CDKAL1: variants seen among roughly 807,000 people sequenced by gnomAD.
CDKAL1 encodes the protein CDKAL1 threonylcarbamoyladenosine tRNA methylthiotransferase.
CDKAL1 carries 32 observed loss-of-function variants against 68.2 expected under a neutral mutation model. The ratio of observed to expected loss-of-function variants is 0.47; its 90% CI spans 0.35 to 0.63. CDKAL1 has a LOEUF of 0.63. Among genes scored for constraint, CDKAL1 ranks in the 30% least tolerant of loss-of-function variants. The probability of loss-of-function intolerance (pLI) is 0.00; values close to 1 mark genes in which losing one functional copy is unlikely to be tolerated. For synonymous variants in CDKAL1, 234 were observed against 244.3 expected (o/e 0.96, Z 0.39); for missense variants, 606 against 696.7 (o/e 0.87, Z 1.47).
At chr6:20,599,911 T>G (rs1024610314) in intron 4 of CDKAL1, among the ~76,000 whole-genome samples, 5 of 152,128 alleles carry the variant, frequency 3.3e-5, no homozygotes, top group African/African-American at 7.2e-5. Context: ...AGAAATGAGC[T>G]GTAGTATCAT....
intron 12 of CDKAL1, among the ~76,000 whole-genome samples, chr6:21,094,541 A>G (rs1295333102): frequency 6.6e-6 from 1 of 152,234 alleles, no homozygotes; most frequent in African/African-American, 2.4e-5. Flanking sequence ...TTAGGTGTAC[A>G]TGAAAATAAA....
chr6:21,010,861 A>T (rs1767971878), intron 11 of CDKAL1, among the ~76,000 whole-genome samples: 1 of 152,096 alleles, frequency 6.6e-6, no homozygotes, highest in African/African-American at 2.4e-5. Flanking sequence ...AGGCGGGCAG[A>T]TCATGAGGTC....
chr6:21,138,279 A>G (rs1402104078), intron 13 of CDKAL1, among the ~76,000 whole-genome samples: 2 of 151,812 alleles, frequency 1.3e-5, no homozygotes, highest in East Asian at 1.9e-4. Flanking sequence ...TGTGGGGGGA[A>G]CTATCATTTT....
At chr6:20,757,740 T>C (rs1774285432) in intron 6 of CDKAL1, among the ~76,000 whole-genome samples, 1 of 152,222 alleles carries the variant, frequency 6.6e-6, no homozygotes, top group African/African-American at 2.4e-5. Flanking sequence ...CTGACTTCCA[T>C]TTTATATTCT....
At chr6:21,046,551 A>T (rs1416111684) in intron 11 of CDKAL1, among the ~76,000 whole-genome samples, 1 of 152,264 alleles carries the variant, frequency 6.6e-6, no homozygotes, top group Non-Finnish European at 1.5e-5. Context: ...GGAGCTGTGA[A>T]GCAGCCGCAG....
At chr6:21,061,546 C>CG (rs1343324230) in intron 11 of CDKAL1, among the ~76,000 whole-genome samples, 2 of 152,020 alleles carry the variant, frequency 1.3e-5, no homozygotes, top group Non-Finnish European at 2.9e-5. Flanking sequence ...CCAGAATTAG[C>CG]ATCTTAAATA....
At chr6:20,894,272 T>G (rs959785300) in intron 9 of CDKAL1, among the ~76,000 whole-genome samples, 3 of 152,140 alleles carry the variant, frequency 2.0e-5, no homozygotes, top group African/African-American at 7.2e-5. Flanking sequence ...TCAGTATATA[T>G]TCAATGAAAA....
chr6:20,946,690 C>T (rs1355653668), intron 9 of CDKAL1, among the ~76,000 whole-genome samples: 3 of 151,426 alleles, frequency 2.0e-5, no homozygotes, highest in Non-Finnish European at 2.9e-5. Flanking sequence ...CTCCACCTCC[C>T]GGGTTCAAGT....
intron 13 of CDKAL1, among the ~76,000 whole-genome samples, chr6:21,111,324 C>A (rs1774110721): frequency 6.6e-6 from 1 of 152,204 alleles, no homozygotes. Context: ...CTATTCTAAA[C>A]TTGGCAAAAT....
intron 13 of CDKAL1, among the ~76,000 whole-genome samples, chr6:21,110,116 T>C (rs562708555): frequency 6.6e-6 from 1 of 152,312 alleles, no homozygotes; most frequent in Admixed American, 6.5e-5. Context: ...ATCTTTAAGA[T>C]TGGTAATAAA....
At chr6:21,076,300 C>T (rs1459607148) in intron 12 of CDKAL1, among the ~76,000 whole-genome samples, 1 of 152,130 alleles carries the variant, frequency 6.6e-6, no homozygotes, top group Non-Finnish European at 1.5e-5. Context: ...TAGAAGCTTG[C>T]TCAATGACAT....
chr6:20,983,436 A>G (rs1766265284), intron 10 of CDKAL1, among the ~76,000 whole-genome samples: 1 of 152,198 alleles, frequency 6.6e-6, no homozygotes, highest in Non-Finnish European at 1.5e-5. Context: ...ACTATACAAT[A>G]TAGGCCGGGT....
chr6:20,713,974 TAAAA>T (rs562987504), intron 5 of CDKAL1, among the ~76,000 whole-genome samples: 2 of 152,026 alleles, frequency 1.3e-5, no homozygotes, highest in African/African-American at 2.4e-5. Context: ...ATTTTATCCT[TAAAA>T]AAAGAAAACA....
rs202002529 is a variant in CDKAL1 at position 20,728,843 on chromosome 6, ACT to A, written c.372-10673_372-10672del. On this transcript the variant is annotated intron_variant, in intron 5 of 15. Transcript: ENST00000274695. ...TGGAAACATTTTTATTAGAATGCTT[ACT>A]CTTTTTTCTTTTCTTTTCTTTCTTT... Among the ~76,000 whole-genome samples the A allele has an allele frequency of 1.1e-4, 16 of 152,060 alleles. No individual in the cohort carries two copies. In the East Asian group the frequency reaches 2.9e-3, roughly 28 times the overall value.
chr6:20,700,535 TG>T lies in CDKAL1; in HGVS notation c.372-38981del, dbSNP rs544008031. ...GCAAAACTGTAAATAATTACAGGCC[TG>T]GGCAGAAACTAGAACAGAAGTTGCA... is the stretch of plus-strand genomic sequence containing the variant. On this transcript the variant is annotated intron_variant, in intron 5 of 15. Coordinates refer to ENST00000274695, the MANE Select transcript of CDKAL1 (RefSeq NM_017774.3). Among the ~76,000 whole-genome samples, 924 of 152,288 alleles carry T rather than the reference TG, an allele frequency of 6.1e-3. 10 individuals are homozygous for T. The highest frequency in any genetic ancestry group is 0.021 in the African/African-American group (889 of 41,568).
intron 10 of CDKAL1, among the ~76,000 whole-genome samples, chr6:20,966,982 T>C (rs1379678739): frequency 1.3e-5 from 2 of 152,218 alleles, no homozygotes; most frequent in Admixed American, 1.3e-4. Context: ...AACTGGGTAT[T>C]TTGGGAACTC....
chr6:20,714,271 A>T (rs1234350996), intron 5 of CDKAL1, among the ~76,000 whole-genome samples: 1 of 151,444 alleles, frequency 6.6e-6, no homozygotes, highest in Admixed American at 6.6e-5. Flanking sequence ...CTTATTTTTA[A>T]TATTAAAATA....
At chr6:20,755,251 A>C (rs1316471282) in intron 6 of CDKAL1, among the ~76,000 whole-genome samples, 1 of 152,104 alleles carries the variant, frequency 6.6e-6, no homozygotes, top group East Asian at 1.9e-4. Flanking sequence ...TCTGGATATA[A>C]TGTCTTGGCA....
chr6:20,546,811 C>T (rs966988060), intron 3 of CDKAL1, among the ~76,000 whole-genome samples: 1 of 152,186 alleles, frequency 6.6e-6, no homozygotes, highest in Non-Finnish European at 1.5e-5. Flanking sequence ...ACCTTGGCCT[C>T]CCAAAGTACT....
Sources: allele counts gnomAD v4.1 joint callset (sites outside exome capture counted in the v4.1 genomes callset), GRCh38; gene constraint gnomAD v4.1.1; transcripts MANE v1.5; gene names NCBI Gene and HGNC (gene_info 2026-07-23, HGNC 2026-07-21).